Variants in COL6A2 observed in about 807,000 individuals in gnomAD.
COL6A2 encodes the protein collagen alpha-2(VI) chain.
Under a neutral mutation model 124.9 loss-of-function variants are expected in COL6A2, and 90 were observed. The ratio of observed to expected loss-of-function variants is 0.72; its 90% CI spans 0.61 to 0.86. The LOEUF (loss-of-function observed/expected upper bound fraction) is 0.86. COL6A2 is among the 40% of genes least tolerant of loss of function. The probability of loss-of-function intolerance (pLI) is 0.00; values close to 1 mark genes in which losing one functional copy is unlikely to be tolerated. For missense variants in COL6A2, 1,607 were observed against 1,502.5 expected (o/e 1.07, Z -1.15); for synonymous variants, 793 against 618.2 (o/e 1.28, Z -4.19).
intron 1 of COL6A2, among the ~76,000 whole-genome samples, chr21:46,109,421 T>C (rs1027242246): frequency 6.6e-6 from 1 of 152,214 alleles, no homozygotes; most frequent in Non-Finnish European, 1.5e-5. Flanking sequence ...AGTTCCCCTC[T>C]GGTCCGTAGG....
chr21:46,125,505 C>G lies in COL6A2; in HGVS notation c.1857C>G (p.Val619=). ...KRCGALDVVF[V]IDSSESIGYT... ...GTGGCGCCCTGGACGTGGTCTTCGT[C>G]ATCGACAGCTCCGAGAGCATTGGGT... is the stretch of plus-strand genomic sequence containing the variant. Residue 619 remains valine (V), a synonymous_variant, in exon 25 of 28, where the codon GTC becomes GTG. Coordinates refer to ENST00000300527, the MANE Select transcript of COL6A2 (RefSeq NM_001849.4). 6.2e-7 allele frequency: 1 copy of G among 1,612,992 alleles called. No homozygotes were observed. The highest frequency in any genetic ancestry group is 8.5e-7 in the Non-Finnish European group (1 of 1,179,960).
rs751570800 is a variant in COL6A2, at chr21:46,125,994, G to A, written c.2179G>A (p.Ala727Thr). Residue 727 changes from alanine (A) to threonine (T), a missense_variant, in exon 26 of 28, where the codon GCG (alanine) becomes ACG (threonine). Ala to Thr is a moderately conservative substitution (Grantham distance 58). This residue lies in a region of COL6A2 where 1,223 missense variants were observed against 1,052.2 expected (regional missense o/e 1.16). Transcript: ENST00000300527. The part of the protein sequence containing the change: ...ESRRQKTRVF[A>T]VVITDGRHDP... ...CCGGCGCCAGAAGACACGTGTGTTTGCGGTGGTCATCACGGACGGGCGCCA... is the reference window on the plus strand; with the variant it reads ...CCGGCGCCAGAAGACACGTGTGTTTACGGTGGTCATCACGGACGGGCGCCA... 1 of 1,613,062 alleles carries A rather than the reference G, an allele frequency of 6.2e-7. No homozygotes were observed. Among genetic ancestry groups the A allele is most frequent in the Non-Finnish European group, 8.5e-7 (1 of 1,179,864 alleles).
intron 27 of COL6A2, among the ~76,000 whole-genome samples, chr21:46,127,857 C>T (rs1205429038): frequency 6.6e-6 from 1 of 152,158 alleles, no homozygotes; most frequent in Non-Finnish European, 1.5e-5. Context: ...TTTAGCCTAT[C>T]ATTGTAGTTG....
chr21:46,124,779 G>T, intron 22 of COL6A2, 66 bp downstream of exon 22: 2 of 1,602,814 alleles, frequency 1.2e-6, no homozygotes, highest in Non-Finnish European at 1.7e-6. Flanking sequence ...CCCAAGCCTC[G>T]TGGTTCTGCC....
intron 5 of COL6A2, among the ~76,000 whole-genome samples, chr21:46,115,539 G>GA (rs1334911948): frequency 6.6e-6 from 1 of 152,238 alleles, no homozygotes; most frequent in Non-Finnish European, 1.5e-5. Flanking sequence ...CATCGCTGGA[G>GA]AATCAGAGCC....
At position 46,122,894 on chromosome 21, in the gene COL6A2, G is replaced by T; in HGVS notation, c.1628G>T (p.Gly543Val). 6.2e-7 allele frequency: 1 copy of T among 1,613,390 alleles called. No homozygotes were observed. Among genetic ancestry groups the T allele is most frequent in the Non-Finnish European group, 8.5e-7 (1 of 1,179,964 alleles). ...TCACAGGGAGGCCGAGGCGACTTTG[G>T]CTTGAAAGGAGAACCTGGGAGGAAA... is the stretch of plus-strand genomic sequence containing the variant. The part of the protein sequence containing the change: ...RGPEGGRGDF[G>V]LKGEPGRKGE... Residue 543 changes from glycine to valine, a missense_variant, in exon 21 of 28, where the codon GGC (glycine) becomes GTC (valine). By Grantham distance (109) the Gly-to-Val change is moderately radical. Transcript: ENST00000300527.
chr21:46,121,264 TC>T, intron 17 of COL6A2, 141 bp downstream of exon 17: 1 of 851,432 alleles, frequency 1.2e-6, no homozygotes, highest in Non-Finnish European at 1.9e-6. Flanking sequence ...CAGGACCTGC[TC>T]CCCTAGACCC....
intron 1 of COL6A2, among the ~76,000 whole-genome samples, chr21:46,107,432 T>C (rs2123602647): frequency 6.6e-6 from 1 of 152,326 alleles, no homozygotes; most frequent in South Asian, 2.1e-4. Context: ...CCCCAAAACA[T>C]GTTTCTTTGC....
chr21:46,122,667 A>G (rs546149650), intron 20 of COL6A2, 136 bp downstream of exon 20: 4 of 1,081,950 alleles, frequency 3.7e-6, no homozygotes, highest in Admixed American at 3.9e-5. Flanking sequence ...AGGCCCAGCC[A>G]TGTCACCTAT....
At position 46,114,027 on chromosome 21, in the gene COL6A2, T is replaced by G; in HGVS notation, c.755T>G (p.Leu252Arg). ...AYGECYKVSCLEIPGPSGPKG... is the reference protein window; with the variant it reads ...AYGECYKVSCREIPGPSGPKG... Reference sequence around the variant, plus strand: ...TTTCAGTGCTACAAGGTGAGCTGCCTGGAAATCCCTGGGCCCTCTGGCCCC... The same window carrying G: ...TTTCAGTGCTACAAGGTGAGCTGCCGGGAAATCCCTGGGCCCTCTGGCCCC... The change falls in exon 5 of 28, where the codon CTG (leucine) becomes CGG (arginine). Residue 252 changes from leucine to arginine, a missense_variant. By Grantham distance (102) the Leu-to-Arg change is moderately radical. Coordinates refer to ENST00000300527, the MANE Select transcript of COL6A2 (RefSeq NM_001849.4). 1.2e-6 allele frequency: 2 copies of G among 1,613,850 alleles called. No individual in the cohort carries two copies. Among genetic ancestry groups the G allele is most frequent in the Non-Finnish European group, 1.7e-6 (2 of 1,179,980 alleles).
chr21:46,124,771 C>T, intron 22 of COL6A2, 58 bp downstream of exon 22: 1 of 1,602,454 alleles, frequency 6.2e-7, no homozygotes, highest in African/African-American at 1.3e-5. Flanking sequence ...AACACACACC[C>T]AAGCCTCGTG....
In COL6A2 at chr21:46,112,337, G is replaced by A; in HGVS notation, c.474G>A (p.Val158=). Residue 158 remains valine, a synonymous_variant, in exon 3 of 28, where the codon GTG becomes GTA. Coordinates refer to ENST00000300527, the MANE Select transcript of COL6A2 (RefSeq NM_001849.4). ...GCAAGGGCACCGTCCACTTCGCCGT[G>A]GTCATCACCGACGGCCACGTCACCG... The part of the protein sequence containing the change: ...DRSKGTVHFA[V]VITDGHVTGS... The A allele has an allele frequency of 6.2e-7, 1 of 1,610,450 alleles. No individual in the cohort carries two copies. The highest frequency in any genetic ancestry group is 1.1e-5 in the South Asian group (1 of 90,990).
rs143749884 is a variant in COL6A2 at position 46,132,126 on chromosome 21, G to C, written c.2634G>C (p.Ala878=). 8.2e-6 allele frequency: 13 copies of C among 1,579,578 alleles called. No individual in the cohort carries two copies. Among genetic ancestry groups the C allele is most frequent in the Non-Finnish European group, 1.1e-5 (13 of 1,165,352 alleles). ...RDDDPLNARV[A]LLQFGGPGEQ... Reference sequence around the variant, plus strand: ...ACGACCCTCTCAACGCACGCGTGGCGCTGCTGCAGTTTGGTGGCCCCGGCG... The same window carrying C: ...ACGACCCTCTCAACGCACGCGTGGCCCTGCTGCAGTTTGGTGGCCCCGGCG... The change falls in exon 28 of 28, where the codon GCG becomes GCC. Residue 878 remains alanine (A), a synonymous_variant. Coordinates refer to ENST00000300527, the MANE Select transcript of COL6A2 (RefSeq NM_001849.4).
rs56083556 is a variant in COL6A2 at position 46,101,847 on chromosome 21, A to ATT, written c.-28+3701_-28+3702dup. ...CCCAGCTTTGTTCTTATCTTTCACG[A>ATT]TTTTTTTTTTTTTTTTTTTTTTTTT... is the stretch of plus-strand genomic sequence containing the variant. On this transcript the variant is annotated intron_variant, in intron 1 of 27. Coordinates refer to ENST00000300527, the MANE Select transcript of COL6A2 (RefSeq NM_001849.4). Among the ~76,000 whole-genome samples, 110 of 71,492 alleles carry ATT rather than the reference A, an allele frequency of 1.5e-3. 3 individuals are homozygous for ATT. Among genetic ancestry groups the ATT allele is most frequent in the African/African-American group, 6.4e-3 (100 of 15,536 alleles). The allele number at this position is 71,492 out of a possible 152,430, so 46.9% of individuals were successfully genotyped here.
At position 46,117,441 on chromosome 21, in the gene COL6A2, C is replaced by T. The variant is rs1234343515; in HGVS notation, c.1041C>T (p.Asp347=). The change falls in exon 11 of 28, where the codon GAC becomes GAT. Residue 347 remains aspartate, a synonymous_variant. Transcript: ENST00000300527. ...GRIGPPGCKG[D]PGNRGPDGYP... is the part of the protein sequence containing the mutation. ...TCGGACCTCCTGGCTGCAAGGGAGA[C>T]CCTGGAAACCGGGTAAGGGCCGTTT... 1.2e-6 allele frequency: 2 copies of T among 1,612,620 alleles called. No homozygotes were observed. The highest frequency in any genetic ancestry group is 3.3e-5 in the Admixed American group (2 of 60,000).
rs145685877 is a variant in COL6A2 at position 46,100,388 on chromosome 21, G to A, written c.-28+2215G>A. ...TGATTTGAAAAAGCTTTATTTTCCC[G>A]AATTTTTTATTGTGGTATACAATAT... On this transcript the variant is annotated intron_variant, in intron 1 of 27. Transcript: ENST00000300527. Among the ~76,000 whole-genome samples, 45 of 152,090 alleles carry A rather than the reference G, an allele frequency of 3.0e-4. No individual in the cohort carries two copies. The East Asian group carries it at 6.4e-3, about 22-fold the overall frequency.
chr21:46,114,927 T>C lies in COL6A2; in HGVS notation c.801+854T>C, dbSNP rs544819307. Among the ~76,000 whole-genome samples the C allele has an allele frequency of 7.9e-5, 12 of 152,390 alleles. No homozygotes were observed. The East Asian group carries it at 2.3e-3, about 29-fold the overall frequency. ...AATTGACCATCATAGAGGATGTTAC[T>C]GCTACGTAGCTTCGTGTTTTTCTAA... is the stretch of plus-strand genomic sequence containing the variant. On this transcript the variant is annotated intron_variant, in intron 5 of 27. Coordinates refer to ENST00000300527, the MANE Select transcript of COL6A2 (RefSeq NM_001849.4).
At chr21:46,117,628 C>T (rs2078492936) in intron 11 of COL6A2, 175 bp downstream of exon 11, 2 of 774,576 alleles carry the variant, frequency 2.6e-6, no homozygotes, top group Non-Finnish European at 4.3e-6. Flanking sequence ...TGAGGAACTC[C>T]CCCTGGGAGC....
In COL6A2 at chr21:46,115,887, A is replaced by T. The variant is rs763922121; in HGVS notation, c.817A>T (p.Met273Leu). Reference protein sequence around the residue: ...YRGQKGAKGNMGEPGEPGQKG... With the variant: ...YRGQKGAKGNLGEPGEPGQKG... ...CTGCTTTTAGGGTGCCAAGGGCAAC[A>T]TGGGTGAGCCGGGAGAGCCTGGCCA... The change falls in exon 6 of 28, where the codon ATG becomes TTG. Residue 273 changes from methionine (M) to leucine (L), a missense_variant. Physicochemically the swap from Met to Leu is conservative, Grantham distance 15. This residue lies in a region of COL6A2 where 42 missense variants were observed against 68.7 expected (regional missense o/e 0.61). Transcript: ENST00000300527. The T allele has an allele frequency of 5.6e-6, 9 of 1,612,762 alleles. No individual in the cohort carries two copies. The Admixed American group carries it at 1.5e-4, about 27-fold the overall frequency.
Sources: gnomAD v4.1 joint callset for allele counts (sites outside exome capture counted in the v4.1 genomes callset) on GRCh38, gnomAD v4.1.1 for gene constraint, gnomAD v4.1.1 regional missense constraint, MANE v1.5 for transcripts, NCBI Gene and HGNC (gene_info 2026-07-23, HGNC 2026-07-21) for gene names.